Variants in C1orf146 observed in about 807,000 individuals in gnomAD.
C1orf146 encodes protein SPO16 homolog.
Under a neutral mutation model 23.0 loss-of-function variants are expected in C1orf146, and 22 were observed. The observed-to-expected ratio is 0.96, with a 90% CI of 0.68 to 1.36. The LOEUF is 1.36. Among genes scored for constraint, C1orf146 ranks in the 40% most tolerant of loss-of-function variants. The pLI, the probability that C1orf146 is intolerant of heterozygous loss-of-function variation, is 0.00. For missense variants in C1orf146, 199 were observed against 206.8 expected (o/e 0.96, Z 0.23); for synonymous variants, 59 against 65.3 (o/e 0.90, Z 0.47).
chr1:92,220,315 T>G (rs1246139268), intron 1 of C1orf146, among the ~76,000 whole-genome samples: 1 of 152,230 alleles, frequency 6.6e-6, no homozygotes, highest in Non-Finnish European at 1.5e-5. Context: ...AAGAAATAGA[T>G]GTGTGTGTAC....
intron 1 of C1orf146, among the ~76,000 whole-genome samples, chr1:92,222,808 A>G (rs967441003): frequency 1.1e-4 from 17 of 151,742 alleles, no homozygotes; most frequent in East Asian, 7.8e-4. Context: ...GGATGGTCTT[A>G]ATCTCCTGAC....
At chr1:92,243,677 G>A (rs935683276) in intron 3 of C1orf146, among the ~76,000 whole-genome samples, 3 of 152,094 alleles carry the variant, frequency 2.0e-5, no homozygotes, top group African/African-American at 7.2e-5. Flanking sequence ...TTCTTTAGCT[G>A]ATTTCCAGCT....
intron 2 of C1orf146, among the ~76,000 whole-genome samples, chr1:92,236,159 A>C (rs561519576): frequency 6.6e-5 from 10 of 151,110 alleles, no homozygotes; most frequent in African/African-American, 2.4e-4. Flanking sequence ...TTATGATGTT[A>C]GCTGGTTATT....
intron 2 of C1orf146, among the ~76,000 whole-genome samples, chr1:92,232,627 A>G (rs1278660159): frequency 6.6e-6 from 1 of 152,072 alleles, no homozygotes; most frequent in African/African-American, 2.4e-5. Context: ...ATTACCCAGT[A>G]ATGGGATGGC....
intron 1 of C1orf146, among the ~76,000 whole-genome samples, chr1:92,224,008 T>TG (rs1651901751): frequency 1.4e-5 from 2 of 140,660 alleles, no homozygotes. Context: ...TTGTTGTTGT[T>TG]TTATTTTATT....
intron 1 of C1orf146, among the ~76,000 whole-genome samples, chr1:92,220,086 T>G (rs1394863366): frequency 6.6e-6 from 1 of 152,156 alleles, no homozygotes; most frequent in Non-Finnish European, 1.5e-5. Flanking sequence ...TTTTTGTTTG[T>G]TTGTTTTTGT....
intron 2 of C1orf146, among the ~76,000 whole-genome samples, chr1:92,234,206 C>T (rs1479928739): frequency 6.6e-6 from 1 of 152,124 alleles, no homozygotes; most frequent in Non-Finnish European, 1.5e-5. Flanking sequence ...AAAGGGAATG[C>T]TTCCAGTTTT....
chr1:92,241,652 C>A (rs1652433975), intron 2 of C1orf146, among the ~76,000 whole-genome samples: 1 of 152,144 alleles, frequency 6.6e-6, no homozygotes, highest in Non-Finnish European at 1.5e-5. Flanking sequence ...CCACACCCAG[C>A]AAATTTTGGG....
chr1:92,224,015 TA>T lies in C1orf146; in HGVS notation c.-40+5968del, dbSNP rs1651902932. Among the ~76,000 whole-genome samples the T allele has an allele frequency of 4.5e-3, 58 of 12,844 alleles. 1 individual carries two copies. Among genetic ancestry groups the T allele is most frequent in the Middle Eastern group, 0.036 (1 of 28 alleles). 8.4% of individuals were successfully genotyped at this position (12,844 alleles called of 152,430 possible). On this transcript the variant is annotated intron_variant, in intron 1 of 5. Transcript: ENST00000370375. The stretch of plus-strand genomic sequence containing the variant: ...TTTTGTTGTTGTTGTTGTTTTATTT[TA>T]TTTATTTATTTATTTATTTATTTAT...
intron 1 of C1orf146, among the ~76,000 whole-genome samples, chr1:92,220,741 A>G (rs554772569): frequency 6.6e-6 from 1 of 152,324 alleles, no homozygotes; most frequent in South Asian, 2.1e-4. Context: ...GTGACCGCCA[A>G]TTCTAACTAT....
At chr1:92,219,830 GTTC>G (rs1411268276) in intron 1 of C1orf146, among the ~76,000 whole-genome samples, 1 of 151,902 alleles carries the variant, frequency 6.6e-6, no homozygotes, top group East Asian at 1.9e-4. Context: ...CCATGCTCCT[GTTC>G]TTAAGGTTGG....
chr1:92,222,535 G>GTTTTTTTTTT, intron 1 of C1orf146, among the ~76,000 whole-genome samples: 15 of 60,574 alleles, frequency 2.5e-4, no homozygotes, highest in Non-Finnish European at 3.0e-4. Context: ...CCCTTCTTCG[G>GTTTTTTTTTT]TTTTTTTTTT....
chr1:92,222,188 C>A (rs1438030853), intron 1 of C1orf146, among the ~76,000 whole-genome samples: 2 of 152,164 alleles, frequency 1.3e-5, no homozygotes, highest in Non-Finnish European at 2.9e-5. Flanking sequence ...CTGCTGTGAG[C>A]CAAGATCATG....
intron 3 of C1orf146, among the ~76,000 whole-genome samples, chr1:92,243,220 T>C (rs1652472400): frequency 6.6e-6 from 1 of 152,140 alleles, no homozygotes; most frequent in African/African-American, 2.4e-5. Context: ...ACAATCATTT[T>C]CCTCAGACTG....
intron 1 of C1orf146, among the ~76,000 whole-genome samples, chr1:92,224,326 G>A (rs1435564857): frequency 1.3e-5 from 2 of 152,216 alleles, no homozygotes; most frequent in South Asian, 2.1e-4. Context: ...GGGATTACAG[G>A]CATGAGCCAC....
intron 3 of C1orf146, 119 bp downstream of exon 3, chr1:92,242,424 A>C (rs965266928): frequency 1.2e-5 from 5 of 427,222 alleles, no homozygotes; most frequent in Non-Finnish European, 1.9e-5. Context: ...TAAATGTGTA[A>C]AACTTTGTTA....
intron 3 of C1orf146, among the ~76,000 whole-genome samples, chr1:92,242,994 G>T (rs563513946): frequency 6.6e-6 from 1 of 152,276 alleles, no homozygotes; most frequent in African/African-American, 2.4e-5. Context: ...GGCTGAAAGT[G>T]GTATCGCCTC....
At chr1:92,222,491 T>C (rs1651847536) in intron 1 of C1orf146, among the ~76,000 whole-genome samples, 1 of 151,214 alleles carries the variant, frequency 6.6e-6, no homozygotes. Flanking sequence ...GGTTTCCTCC[T>C]TCCCTTCTGT....
chr1:92,235,387 C>G (rs1570794193), intron 2 of C1orf146, among the ~76,000 whole-genome samples: 2 of 152,294 alleles, frequency 1.3e-5, no homozygotes, highest in South Asian at 4.1e-4. Context: ...CATTCAGGAG[C>G]AGGTTGTTCA....
Sources: gnomAD v4.1 joint callset for allele counts (sites outside exome capture counted in the v4.1 genomes callset) on GRCh38, gnomAD v4.1.1 for gene constraint, MANE v1.5 for transcripts, NCBI Gene and HGNC (gene_info 2026-07-23, HGNC 2026-07-21) for gene names.